The following NID2 variants were observed in gnomAD, a reference collection of about 807,000 sequenced individuals.
NID2 encodes the protein nidogen 2, also known as nidogen-2.
NID2 carries 83 observed loss-of-function variants against 145.4 expected under a neutral mutation model. That is an observed-to-expected ratio of 0.57 (90% CI 0.48 to 0.69). The LOEUF is 0.69. NID2 is among the 30% of genes least tolerant of loss of function. NID2 has a pLI of 0.00. For synonymous variants in NID2, 739 were observed against 701.3 expected (o/e 1.05, Z -0.85); for missense variants, 1,807 against 1,765.7 (o/e 1.02, Z -0.42).
At chr14:52,007,209 A>C (rs1353702504) in intron 19 of NID2, 1 of 154,130 alleles carries the variant, frequency 6.5e-6, no homozygotes, top group African/African-American at 2.4e-5. Flanking sequence ...TTAAATTTCA[A>C]ATCCTTTTAA....
rs1421980104 is a variant in NID2, at chr14:52,038,774, C to A, written c.2230G>T (p.Val744Leu). ...TTGACCGGGCCAATTTGATTGGTCACAGCAAATCTAAGCACTCTTTCTTCG... is the reference window on the plus strand; with the variant it reads ...TTGACCGGGCCAATTTGATTGGTCAAAGCAAATCTAAGCACTCTTTCTTCG... ...NDEERVLRFA[V>L]TNQIGPVKED... The change falls in exon 9 of 22, where the codon GTG becomes TTG. Residue 744 changes from valine (V) to leucine (L), a missense_variant. Physicochemically the swap from Val to Leu is conservative, Grantham distance 32. Coordinates refer to ENST00000216286, the MANE Select transcript of NID2 (RefSeq NM_007361.4). 1 of 1,600,060 alleles carries A rather than the reference C, an allele frequency of 6.2e-7. No homozygotes were observed. The highest frequency in any genetic ancestry group is 1.7e-5 in the Admixed American group (1 of 57,384).
In NID2 at chr14:52,007,799, A is replaced by C. The variant is rs372746009; in HGVS notation, c.3880+11T>G. ...AGAGGTTATCTATTTGCATTCCATCAGTAGTATTACCTGCATCTGCCCAGC... is the reference window on the plus strand; with the variant it reads ...AGAGGTTATCTATTTGCATTCCATCCGTAGTATTACCTGCATCTGCCCAGC... On this transcript the variant is annotated intron_variant, in intron 19 of 21. Transcript: ENST00000216286. 9.9e-6 allele frequency: 16 copies of C among 1,610,252 alleles called. No homozygotes were observed. The highest frequency in any genetic ancestry group is 1.3e-5 in the Non-Finnish European group (15 of 1,177,802).
chr14:52,052,698 A>C (rs183095866), intron 5 of NID2, among the ~76,000 whole-genome samples: 2 of 152,226 alleles, frequency 1.3e-5, no homozygotes, highest in Non-Finnish European at 2.9e-5. Flanking sequence ...CAACAGTGAC[A>C]GGAAACAGAA....
chr14:52,019,404 C>T, intron 13 of NID2, 110 bp from the exon 14 acceptor site: 1 of 776,590 alleles, frequency 1.3e-6, no homozygotes, highest in Non-Finnish European at 2.0e-6. Flanking sequence ...ATTTTGGAGC[C>T]CGAGATTCTT....
intron 9 of NID2, among the ~76,000 whole-genome samples, chr14:52,030,490 AAAGAAAGAAAGAGAAAG>A (rs1271527792): frequency 2.1e-5 from 1 of 47,836 alleles, no homozygotes; most frequent in South Asian, 6.1e-4. Context: ...GAAAAGAAAG[AAAGAAAGAAAGAGAAAG>A]AAAGAAAGAA....
intron 12 of NID2, among the ~76,000 whole-genome samples, chr14:52,025,971 G>A (rs568112756): frequency 6.6e-6 from 1 of 152,354 alleles, no homozygotes; most frequent in South Asian, 2.1e-4. Flanking sequence ...GGTTAGTTCA[G>A]CATAAATTGT....
chr14:52,006,397 T>C, intron 20 of NID2, 140 bp downstream of exon 20: 3 of 837,810 alleles, frequency 3.6e-6, no homozygotes, highest in Non-Finnish European at 5.7e-6. Flanking sequence ...AAGGATCTTA[T>C]CTGCCAATGA....
intron 2 of NID2, among the ~76,000 whole-genome samples, chr14:52,066,335 T>C (rs1359080729): frequency 7.0e-6 from 1 of 143,502 alleles, no homozygotes. Flanking sequence ...AAAAAAAAAA[T>C]AGAAGGAATG....
chr14:52,012,745 T>G (rs1402059152), intron 16 of NID2, among the ~76,000 whole-genome samples: 1 of 152,112 alleles, frequency 6.6e-6, no homozygotes, highest in Non-Finnish European at 1.5e-5. Flanking sequence ...AAATGCTGAG[T>G]CTGATATTTT....
chr14:52,037,196 C>T (rs770006569), intron 9 of NID2, among the ~76,000 whole-genome samples: 8 of 152,146 alleles, frequency 5.3e-5, no homozygotes, highest in Non-Finnish European at 8.8e-5. Flanking sequence ...ACTCAGTGGT[C>T]CCAGCACCAT....
Position 52,020,297 on chromosome 14 carries a change from G to A in NID2, c.2675-119C>T. 8.0e-6 allele frequency: 12 copies of A among 1,494,914 alleles called. 1 individual carries two copies. In the South Asian group the frequency reaches 1.3e-4, roughly 16 times the overall value. The allele number at this position is 1,494,914 out of a possible 1,614,324, so 92.6% of individuals were successfully genotyped here. A position where few individuals can be genotyped will look rare whatever the true frequency, so the allele number is the denominator to read the frequency against. On this transcript the variant is annotated intron_variant, in intron 12 of 21. Transcript: ENST00000216286. Reference sequence around the variant, plus strand: ...AACACCCAGTGAGGTGTCAGCTTCAGAAGACCTTTGAGCATGAGCAGAAAA... The same window carrying A: ...AACACCCAGTGAGGTGTCAGCTTCAAAAGACCTTTGAGCATGAGCAGAAAA...
At chr14:52,041,435 C>T (rs1892275547) in intron 7 of NID2, among the ~76,000 whole-genome samples, 1 of 152,210 alleles carries the variant, frequency 6.6e-6, no homozygotes, top group African/African-American at 2.4e-5. Context: ...TCTCACAAAA[C>T]TATTTTTAAT....
intron 16 of NID2, 177 bp from the exon 17 acceptor site, chr14:52,011,860 A>G (rs1891042965): frequency 1.4e-6 from 1 of 692,074 alleles, no homozygotes; most frequent in Non-Finnish European, 2.4e-6. Flanking sequence ...TCAGCCACTT[A>G]GTAGCCATGT....
rs1173106755 is a variant in NID2, at chr14:52,028,765, G to GCACTCA, written c.2481_2486dup (p.Glu828_Cys829dup). On this transcript the variant is annotated inframe_insertion, in exon 11 of 22. Transcript: ENST00000216286. ...CATCTGCAAACTCATAACCACTCCG[G>GCACTCA]CACTCACACCTGTAGCTTCCAGGCA... is the stretch of plus-strand genomic sequence containing the variant. 6.2e-7 allele frequency: 1 copy of GCACTCA among 1,613,938 alleles called. No individual in the cohort carries two copies. Among genetic ancestry groups the GCACTCA allele is most frequent in the Non-Finnish European group, 8.5e-7 (1 of 1,179,918 alleles).
intron 17 of NID2, 64 bp downstream of exon 17, chr14:52,011,490 G>C: frequency 6.2e-7 from 1 of 1,603,222 alleles, no homozygotes; most frequent in South Asian, 1.1e-5. Flanking sequence ...AGACTTCGGC[G>C]TAAAGTAGAC....
Position 52,069,022 on chromosome 14 carries a change from G to C in NID2, c.-28C>G, listed in dbSNP as rs1893330168. 6.5e-7 allele frequency: 1 copy of C among 1,548,490 alleles called. No individual in the cohort carries two copies. The highest frequency in any genetic ancestry group is 8.8e-7 in the Non-Finnish European group (1 of 1,132,570). ...TCGCTCGGCCGTGCGCTTACCCGCT[G>C]CACAACGCGTCCCGCCCCGGCCTCC... On this transcript the variant is annotated 5_prime_UTR_variant, in exon 1 of 22. Coordinates refer to ENST00000216286, the MANE Select transcript of NID2 (RefSeq NM_007361.4).
In NID2 at chr14:52,020,579, GTTT is replaced by G. The variant is rs199604462; in HGVS notation, c.2675-404_2675-402del. The stretch of plus-strand genomic sequence containing the variant: ...ATAAAGACAAATATATCCAACAATG[GTTT>G]TTTTTTCTTTCGTTGTTGGCACCAT... On this transcript the variant is annotated intron_variant, in intron 12 of 21. Transcript: ENST00000216286. Among the ~76,000 whole-genome samples the G allele has an allele frequency of 4.6e-5, 7 of 151,216 alleles. No individual in the cohort carries two copies. The South Asian group carries it at 1.5e-3, about 32-fold the overall frequency.
Position 52,038,995 on chromosome 14 carries a change from G to A in NID2, c.2027-18C>T, listed in dbSNP as rs1892179303. The A allele has an allele frequency of 6.5e-7, 1 of 1,532,966 alleles. No homozygotes were observed. Among genetic ancestry groups the A allele is most frequent in the Admixed American group, 2.0e-5 (1 of 50,798 alleles). The allele number at this position is 1,532,966 out of a possible 1,614,324, so 95.0% of individuals were successfully genotyped here. ...GGTCACAGCTGCAACAAACACAGTG[G>A]TAATTTTTTAAAAATATTAAATACA... is the stretch of plus-strand genomic sequence containing the variant. On this transcript the variant is annotated intron_variant, in intron 8 of 21. Transcript: ENST00000216286.
At chr14:52,039,406 T>C (rs909324235) in intron 8 of NID2, among the ~76,000 whole-genome samples, 2 of 152,188 alleles carry the variant, frequency 1.3e-5, no homozygotes, top group Admixed American at 6.5e-5. Flanking sequence ...CACCCTAAAT[T>C]TTAAACCAAT....
Sources: gnomAD v4.1 joint callset for allele counts (sites outside exome capture counted in the v4.1 genomes callset) on GRCh38, gnomAD v4.1.1 for gene constraint, MANE v1.5 for transcripts, NCBI Gene and HGNC (gene_info 2026-07-23, HGNC 2026-07-21) for gene names.